PCNT: variants seen among roughly 807,000 people sequenced by gnomAD.
The protein encoded by PCNT is pericentrin.
Under a neutral mutation model 380.4 loss-of-function variants are expected in PCNT, and 319 were observed. The observed-to-expected ratio is 0.84, with a 90% CI of 0.77 to 0.92. PCNT has a LOEUF of 0.92. PCNT is among the 40% of genes least tolerant of loss of function. The pLI, the probability that PCNT is intolerant of heterozygous loss-of-function variation, is 0.00. For synonymous variants in PCNT, 1,845 were observed against 1,735.2 expected (o/e 1.06, Z -1.57); for missense variants, 4,400 against 4,255.3 (o/e 1.03, Z -0.95).
At position 46,445,293 on chromosome 21, in the gene PCNT, C is replaced by G; in HGVS notation, c.9977C>G (p.Ser3326Ter). Residue 3326 changes from serine to a stop codon, truncating the protein, a stop_gained, in exon 47 of 47, where the codon TCA becomes TGA. Transcript: ENST00000359568. LOFTEE classifies it high-confidence loss of function. ...RLGGVLPDST[S>*]KKSCHPMIKQ ...TTTTATTTATATGCAGATTCTACTTCAAAGAAATCCTGCCACCCGATGATT... is the reference window on the plus strand; with the variant it reads ...TTTTATTTATATGCAGATTCTACTTGAAAGAAATCCTGCCACCCGATGATT... 6.2e-7 allele frequency: 1 copy of G among 1,607,772 alleles called. No homozygotes were observed. Among genetic ancestry groups the G allele is most frequent in the Non-Finnish European group, 8.5e-7 (1 of 1,174,164 alleles).
At chr21:46,342,820 T>C (rs2083948175) in intron 3 of PCNT, among the ~76,000 whole-genome samples, 1 of 152,234 alleles carries the variant, frequency 6.6e-6, no homozygotes. Flanking sequence ...TGAGCCACCG[T>C]GCGCAGCCAG....
At position 46,430,610 on chromosome 21, in the gene PCNT, C is replaced by T; in HGVS notation, c.8017C>T (p.Gln2673Ter). Residue 2673 changes from glutamine to a stop codon, truncating the protein, a stop_gained, in exon 37 of 47, where the codon CAG (glutamine) becomes TAG (stop). Coordinates refer to ENST00000359568, the MANE Select transcript of PCNT (RefSeq NM_006031.6). LOFTEE classifies it high-confidence loss of function. ...RALQSQLEEEQLRHLQRESQS... is the reference protein window; with the variant it reads ...RALQSQLEEE ...CCTGCAGAGCCAGCTGGAGGAGGAG[C>T]AGCTGCGGCACCTGCAGAGGGAGAG... is the stretch of plus-strand genomic sequence containing the variant. 6.4e-7 allele frequency: 1 copy of T among 1,569,422 alleles called. No homozygotes were observed. The highest frequency in any genetic ancestry group is 8.6e-7 in the Non-Finnish European group (1 of 1,157,832).
chr21:46,445,547 C>T lies in PCNT; in HGVS notation c.*220C>T. 1 of 588,600 alleles carries T rather than the reference C, an allele frequency of 1.7e-6. No homozygotes were observed. The highest frequency in any genetic ancestry group is 3.0e-6 in the Non-Finnish European group (1 of 330,146). 36.5% of individuals were successfully genotyped at this position (588,600 alleles called of 1,614,324 possible). A position where few individuals can be genotyped will look rare whatever the true frequency, so the allele number is the denominator to read the frequency against. On this transcript the variant is annotated 3_prime_UTR_variant, in exon 47 of 47. Coordinates refer to ENST00000359568, the MANE Select transcript of PCNT (RefSeq NM_006031.6). ...GCCTCCGTATGTTTTAGGCCCATGA[C>T]CTTCGTGAGGTGACGGGCACTCACT...
intron 35 of PCNT, among the ~76,000 whole-genome samples, chr21:46,428,874 G>A (rs988463270): frequency 1.3e-5 from 2 of 152,236 alleles, no homozygotes; most frequent in Non-Finnish European, 2.9e-5. Context: ...TCATGCTAGA[G>A]TTCAGGAATG....
intron 25 of PCNT, among the ~76,000 whole-genome samples, chr21:46,400,720 A>G (rs1367699133): frequency 6.6e-6 from 1 of 152,030 alleles, no homozygotes; most frequent in African/African-American, 2.4e-5. Context: ...GGGTTTCACC[A>G]TGTTGGCCAG....
At position 46,435,832 on chromosome 21, in the gene PCNT, G is replaced by A. The variant is rs189668832; in HGVS notation, c.8752-72G>A. On this transcript the variant is annotated intron_variant, in intron 38 of 46. Coordinates refer to ENST00000359568, the MANE Select transcript of PCNT (RefSeq NM_006031.6). Reference sequence around the variant, plus strand: ...GCTAGGATTACAGGCATGAACCACCGCGCCCGGCCGGCAGTTTTGTTTTTG... The same window carrying A: ...GCTAGGATTACAGGCATGAACCACCACGCCCGGCCGGCAGTTTTGTTTTTG... The A allele has an allele frequency of 2.0e-4, 311 of 1,592,284 alleles. 1 individual carries two copies. In the African/African-American group the frequency reaches 3.3e-3, roughly 17 times the overall value.
intron 15 of PCNT, among the ~76,000 whole-genome samples, chr21:46,373,251 A>G (rs2085212711): frequency 6.6e-6 from 1 of 151,888 alleles, no homozygotes; most frequent in Non-Finnish European, 1.5e-5. Context: ...TCCTGGCCTC[A>G]AGCAATCCTT....
At chr21:46,394,912 AT>A (rs2086157026) in intron 21 of PCNT, among the ~76,000 whole-genome samples, 1 of 152,096 alleles carries the variant, frequency 6.6e-6, no homozygotes, top group Non-Finnish European at 1.5e-5. Context: ...GCCAGCTGGG[AT>A]TGCGATCCTC....
At chr21:46,326,298 C>G (rs532302174) in intron 1 of PCNT, 79 bp from the exon 2 acceptor site, 1 of 1,384,182 alleles carries the variant, frequency 7.2e-7, no homozygotes, top group Non-Finnish European at 1.0e-6. Flanking sequence ...ATGGTCCCCA[C>G]CAGTCTGTTG....
Position 46,398,012 on chromosome 21 carries a change from A to AGGAGCAGGCAGCCGAGCG in PCNT, c.4452_4469dup. ...GTCCCAACACGCTGCCTCTCCTCCC[A>AGGAGCAGGCAGCCGAGCG]GGAGCAGGCAGCCGAGCGGGAGCAC... On this transcript the variant is annotated splice_acceptor_variant, in intron 22 of 46. Transcript: ENST00000359568. LOFTEE classifies it high-confidence loss of function. The AGGAGCAGGCAGCCGAGCG allele has an allele frequency of 6.3e-7, 1 of 1,578,522 alleles. No individual in the cohort carries two copies. Among genetic ancestry groups the AGGAGCAGGCAGCCGAGCG allele is most frequent in the Non-Finnish European group, 8.6e-7 (1 of 1,163,726 alleles).
At position 46,411,650 on chromosome 21, in the gene PCNT, C is replaced by G; in HGVS notation, c.5577C>G (p.Phe1859Leu). The G allele has an allele frequency of 2.5e-6, 4 of 1,613,054 alleles. No individual in the cohort carries two copies. The highest frequency in any genetic ancestry group is 2.5e-6 in the Non-Finnish European group (3 of 1,179,890). ...ACATGGCCTCCCGGATCCAGGAGTT[C>G]GAAGCGGCCCTGAAAGCAAAGGAAG... ...VEDMASRIQEFEAALKAKEAT... is the reference protein window; with the variant it reads ...VEDMASRIQELEAALKAKEAT... The change falls in exon 28 of 47, where the codon TTC (phenylalanine) becomes TTG (leucine). Residue 1859 changes from phenylalanine (F) to leucine (L), a missense_variant. Transcript: ENST00000359568.
In PCNT at chr21:46,425,225, G is replaced by A. The variant is rs780890241; in HGVS notation, c.7180-606G>A. Among the ~76,000 whole-genome samples the A allele has an allele frequency of 1.3e-5, 2 of 152,150 alleles. No individual in the cohort carries two copies. The highest frequency in any genetic ancestry group is 2.9e-5 in the Non-Finnish European group (2 of 68,034). On this transcript the variant is annotated intron_variant, in intron 32 of 46. Coordinates refer to ENST00000359568, the MANE Select transcript of PCNT (RefSeq NM_006031.6). This position sits in a 1 kb window ranked among gnomAD's most constrained non-coding sequence, Gnocchi z 4.2. Reference sequence around the variant, plus strand: ...TGGCGAGACAGTCAAGTGTGTGTCCGGACACCAGCTGCTGCGTAATCGGTG... The same window carrying A: ...TGGCGAGACAGTCAAGTGTGTGTCCAGACACCAGCTGCTGCGTAATCGGTG...
intron 4 of PCNT, 130 bp from the exon 5 acceptor site, chr21:46,346,613 G>T (rs1394427891): frequency 9.1e-6 from 11 of 1,202,924 alleles, no homozygotes; most frequent in Non-Finnish European, 1.3e-5. Context: ...TCCTGCCCCT[G>T]CTTCCACGGG....
At chr21:46,413,822 A>C (rs1458110911) in intron 29 of PCNT, among the ~76,000 whole-genome samples, 5 of 152,118 alleles carry the variant, frequency 3.3e-5, no homozygotes. Context: ...TTGCACCTTG[A>C]CCATCTCAAA....
intron 37 of PCNT, chr21:46,431,081 GC>G: frequency 5.1e-6 from 5 of 985,462 alleles, no homozygotes; most frequent in Non-Finnish European, 6.0e-6. Flanking sequence ...ATGGGTTATG[GC>G]TTTCAACAGC....
At chr21:46,417,568 A>G (rs1270498357) in intron 30 of PCNT, among the ~76,000 whole-genome samples, 1 of 152,158 alleles carries the variant, frequency 6.6e-6, no homozygotes, top group African/African-American at 2.4e-5. Flanking sequence ...TATTATTTCT[A>G]ACATAATCAT....
intron 31 of PCNT, among the ~76,000 whole-genome samples, chr21:46,419,945 CTG>C (rs2147820399): frequency 1.3e-5 from 2 of 152,352 alleles, no homozygotes; most frequent in South Asian, 4.1e-4. Flanking sequence ...CCAGAAGCCT[CTG>C]TAGAAAAGGT....
At position 46,427,627 on chromosome 21, in the gene PCNT, G is replaced by T; in HGVS notation, c.7326G>T (p.Val2442=). The change falls in exon 34 of 47, where the codon GTG becomes GTT. Residue 2442 remains valine (V), a synonymous_variant. Transcript: ENST00000359568. ...ISLHGGKTQE[V]PTACPDWRGD... ...TTTCTTCCTTCTTCCTTTAGGAAGT[G>T]CCCACCGCGTGCCCCGATTGGAGAG... is the stretch of plus-strand genomic sequence containing the variant. The T allele has an allele frequency of 6.2e-7, 1 of 1,613,958 alleles. No individual in the cohort carries two copies. Among genetic ancestry groups the T allele is most frequent in the Non-Finnish European group, 8.5e-7 (1 of 1,180,026 alleles).
At chr21:46,375,034 C>A (rs964892745) in intron 15 of PCNT, among the ~76,000 whole-genome samples, 2 of 152,170 alleles carry the variant, frequency 1.3e-5, no homozygotes, top group Non-Finnish European at 2.9e-5. Flanking sequence ...ACTTGACCTA[C>A]ACTTGTGGGG....
Sources: gnomAD v4.1 joint callset for allele counts (sites outside exome capture counted in the v4.1 genomes callset) on GRCh38, gnomAD v4.1.1 for gene constraint, Gnocchi (gnomAD v3.1) non-coding constraint, MANE v1.5 for transcripts, NCBI Gene and HGNC (gene_info 2026-07-23, HGNC 2026-07-21) for gene names.